DEPDC4: variants seen among roughly 807,000 people sequenced by gnomAD.
DEPDC4 encodes DEP domain containing 4.
In DEPDC4, 52 loss-of-function variants were observed where a neutral mutation model predicts 52.0. That is an observed-to-expected ratio of 1.00 (90% confidence interval 0.80 to 1.26). The LOEUF (loss-of-function observed/expected upper bound fraction) is 1.26, where lower values mean the gene tolerates loss of function less well. Ranked by LOEUF, DEPDC4 falls within the 50% of genes most tolerant of loss-of-function variation. The pLI, the probability that DEPDC4 is intolerant of heterozygous loss-of-function variation, is 0.00. For missense variants in DEPDC4, 530 were observed against 546.9 expected, an observed-to-expected ratio of 0.97 and a Z score of 0.31; for synonymous variants, 201 against 196.8, an observed-to-expected ratio of 1.02 and a Z score of -0.18.
At chr12:100,235,544 C>A (rs191504528), downstream of DEPDC4, among the ~76,000 whole-genome samples, 54 of 151,794 alleles carry the variant, frequency 3.6e-4, no homozygotes, top group Admixed American at 3.4e-3. Flanking sequence ...CACCCTTTCA[C>A]CCCCAAGTCC....
chr12:100,275,932 A>G, the DEPDC4 span, among the ~76,000 whole-genome samples: 1 of 152,078 alleles, frequency 6.6e-6, no homozygotes, highest in Admixed American at 6.5e-5. Flanking sequence ...TACTGAGATT[A>G]TCTTGCTTTT....
rs745331554 is a variant in DEPDC4, at chr12:100,256,245, G to A, written c.701-19C>T. On this transcript the variant is annotated intron_variant, in intron 3 of 9. Coordinates refer to ENST00000550587, the MANE Select transcript of DEPDC4 (RefSeq NM_001364818.2). ...CAAACATCTTGAAAAGGAAAGTAAT[G>A]CAATGATCAAGATTGGTAAATAAAA... 7 of 1,567,308 alleles carry A rather than the reference G, an allele frequency of 4.5e-6. No homozygotes were observed. In the South Asian group the frequency reaches 6.9e-5, roughly 15 times the overall value.
intron 3 of DEPDC4, among the ~76,000 whole-genome samples, chr12:100,259,079 A>ATAT (rs1407814890): frequency 5.0e-5 from 7 of 139,586 alleles, no homozygotes; most frequent in African/African-American, 2.1e-4. Context: ...TCAAAAAAAA[A>ATAT]AAATATATAT....
chr12:100,275,464 G>A, the DEPDC4 span, among the ~76,000 whole-genome samples: 3 of 152,128 alleles, frequency 2.0e-5, no homozygotes, highest in African/African-American at 7.2e-5. Flanking sequence ...CCAAGGTGCT[G>A]GGATTACAGG....
rs756506961 is a variant in DEPDC4 at position 100,263,495 on chromosome 12, A to C, written c.554+2T>G. ...TATTACAGTATCTTAGGTAACACTAACCTCAAGGTTTCATTGAACTCATTC... is the reference window on the plus strand; with the variant it reads ...TATTACAGTATCTTAGGTAACACTACCCTCAAGGTTTCATTGAACTCATTC... On this transcript the variant is annotated splice_donor_variant, in intron 2 of 9. Transcript: ENST00000550587. LOFTEE classifies it high-confidence loss of function. 3 of 1,569,530 alleles carry C rather than the reference A, an allele frequency of 1.9e-6. No homozygotes were observed. The Admixed American group carries it at 5.8e-5, about 30-fold the overall frequency.
In DEPDC4 at chr12:100,241,482, G is replaced by C. The variant is rs1209026832; in HGVS notation, c.*410C>G. Among the ~76,000 whole-genome samples, 1 of 152,128 alleles carries C rather than the reference G, an allele frequency of 6.6e-6. No individual in the cohort carries two copies. The highest frequency in any genetic ancestry group is 1.5e-5 in the Non-Finnish European group (1 of 68,032). On this transcript the variant is annotated 3_prime_UTR_variant, in exon 10 of 10. Coordinates refer to ENST00000550587, the MANE Select transcript of DEPDC4 (RefSeq NM_001364818.2). ...AGAGGCCAAGGCAGGAGGATGACTT[G>C]AGGCCAGGAGTTCGAGACCAGCCTG... is the stretch of plus-strand genomic sequence containing the variant.
At chr12:100,235,349 A>C (rs1413577169), downstream of DEPDC4, among the ~76,000 whole-genome samples, 1 of 125,374 alleles carries the variant, frequency 8.0e-6, no homozygotes, top group East Asian at 2.0e-4. Flanking sequence ...TTTTCTTTTA[A>C]GGTTTTTTTT....
At chr12:100,281,016 A>G in the DEPDC4 span, among the ~76,000 whole-genome samples, 3 of 113,366 alleles carry the variant, frequency 2.6e-5, no homozygotes, top group African/African-American at 1.1e-4. Context: ...CTTTACCATC[A>G]GTGTTTTTTT....
chr12:100,233,342 A>G (rs2096137109), intron 9 of DEPDC4, among the ~76,000 whole-genome samples: 2 of 152,196 alleles, frequency 1.3e-5, no homozygotes, highest in African/African-American at 4.8e-5. Flanking sequence ...TCGGCAACCC[A>G]GTCCCTTTAA....
rs2096157849 is a variant in DEPDC4, at chr12:100,241,358, C to G, written c.*534G>C. On this transcript the variant is annotated 3_prime_UTR_variant, in exon 10 of 10. Coordinates refer to ENST00000550587, the MANE Select transcript of DEPDC4 (RefSeq NM_001364818.2). Reference sequence around the variant, plus strand: ...ATTCCTTCTTAAAGTTAAAAACTTCCTTAACATATTTTAAGCATGATTAAA... The same window carrying G: ...ATTCCTTCTTAAAGTTAAAAACTTCGTTAACATATTTTAAGCATGATTAAA... Among the ~76,000 whole-genome samples the G allele has an allele frequency of 6.6e-6, 1 of 152,014 alleles. No individual in the cohort carries two copies. The highest frequency in any genetic ancestry group is 2.4e-5 in the African/African-American group (1 of 41,388).
chr12:100,268,136 G>A (rs2096281674), upstream of DEPDC4, among the ~76,000 whole-genome samples: 1 of 152,196 alleles, frequency 6.6e-6, no homozygotes, highest in Admixed American at 6.5e-5. Context: ...CAGACAAGCT[G>A]CTTAAAAGCG....
intron 3 of DEPDC4, among the ~76,000 whole-genome samples, chr12:100,259,300 A>G (rs1336972731): frequency 3.3e-5 from 5 of 152,136 alleles, no homozygotes; most frequent in Admixed American, 2.0e-4. Context: ...GAGACATGAG[A>G]AACCTTATGA....
the DEPDC4 span, among the ~76,000 whole-genome samples, chr12:100,277,287 T>C: frequency 1.3e-5 from 2 of 152,230 alleles, no homozygotes; most frequent in South Asian, 4.1e-4. Flanking sequence ...TTGATAGTGC[T>C]GTTGAAGTCT....
chr12:100,270,762 A>G (rs2096286777), upstream of DEPDC4, among the ~76,000 whole-genome samples: 1 of 152,012 alleles, frequency 6.6e-6, no homozygotes, highest in African/African-American at 2.4e-5. Flanking sequence ...GGCATGAGCC[A>G]CTGGCCTCAT....
At chr12:100,281,711 G>A in the DEPDC4 span, among the ~76,000 whole-genome samples, 1 of 152,040 alleles carries the variant, frequency 6.6e-6, no homozygotes, top group African/African-American at 2.4e-5. Flanking sequence ...GCGGGCGCCT[G>A]TAGTCCCAGC....
chr12:100,267,817 A>AG (rs2096280755), upstream of DEPDC4: 1 of 152,338 alleles, frequency 6.6e-6, no homozygotes, highest in African/African-American at 2.4e-5. Context: ...CTCAGTTCTG[A>AG]GGTCCGGAAT....
At chr12:100,249,361 C>A (rs1426699745) in intron 7 of DEPDC4, among the ~76,000 whole-genome samples, 2 of 152,062 alleles carry the variant, frequency 1.3e-5, no homozygotes, top group East Asian at 1.9e-4. Flanking sequence ...CTAAAATAGG[C>A]AAATAGGCCA....
intron 8 of DEPDC4, among the ~76,000 whole-genome samples, chr12:100,247,930 A>T (rs1039162618): frequency 3.3e-5 from 5 of 152,116 alleles, no homozygotes; most frequent in African/African-American, 1.2e-4. Flanking sequence ...ACATCTTTTT[A>T]AAGAAAAAAA....
chr12:100,252,611 CAATT>C (rs1244926526), intron 5 of DEPDC4, 75 bp from the exon 6 acceptor site: 1 of 1,375,654 alleles, frequency 7.3e-7, no homozygotes, highest in African/African-American at 1.5e-5. Context: ...ACTTAGTAGT[CAATT>C]AAAATGCTAC....
Sources: gnomAD v4.1 joint callset for allele counts (sites outside exome capture counted in the v4.1 genomes callset) on GRCh38, gnomAD v4.1.1 for gene constraint, MANE v1.5 for transcripts, NCBI Gene and HGNC (gene_info 2026-07-23, HGNC 2026-07-21) for gene names.